The following GRIA4 variants were observed in gnomAD, a reference collection of about 807,000 sequenced individuals.
The protein encoded by GRIA4 is glutamate ionotropic receptor AMPA type subunit 4, also known as glutamate receptor 4.
GRIA4 carries 34 observed loss-of-function variants against 104.0 expected under a neutral mutation model. That is an observed-to-expected ratio of 0.33 (90% confidence interval 0.25 to 0.44). GRIA4 has a LOEUF of 0.44. Ranked by LOEUF, GRIA4 falls within the 20% of genes least tolerant of loss-of-function variation. GRIA4 has a pLI of 1.00. For synonymous variants in GRIA4, 386 were observed against 381.9 expected, an observed-to-expected ratio of 1.01 and a Z score of -0.13; for missense variants, 750 against 1,096.5, an observed-to-expected ratio of 0.68 and a Z score of 4.46.
chr11:105,752,612 GA>G (rs887718956), intron 3 of GRIA4, among the ~76,000 whole-genome samples: 1 of 151,970 alleles, frequency 6.6e-6, no homozygotes, highest in East Asian at 1.9e-4. Flanking sequence ...TTTGCATGTA[GA>G]AAAAAATACA....
intron 3 of GRIA4, among the ~76,000 whole-genome samples, chr11:105,695,427 A>G (rs539977411): frequency 6.6e-6 from 1 of 151,470 alleles, no homozygotes; most frequent in South Asian, 2.1e-4. Context: ...TCCTGGAGAG[A>G]GAGAGAGTGT....
At chr11:105,887,811 G>C (rs1019360259) in intron 6 of GRIA4, among the ~76,000 whole-genome samples, 2 of 152,070 alleles carry the variant, frequency 1.3e-5, no homozygotes, top group Non-Finnish European at 2.9e-5. Context: ...TGGTTACTTT[G>C]CTACGATACC....
chr11:105,806,821 C>A (rs1942972689), intron 4 of GRIA4, among the ~76,000 whole-genome samples: 1 of 148,872 alleles, frequency 6.7e-6, no homozygotes, highest in Non-Finnish European at 1.5e-5. Flanking sequence ...AACAGGAGAC[C>A]ATAAAAGGGA....
intron 7 of GRIA4, among the ~76,000 whole-genome samples, chr11:105,900,116 A>T (rs890729084): frequency 3.9e-5 from 6 of 152,114 alleles, no homozygotes; most frequent in African/African-American, 1.4e-4. Flanking sequence ...CAAATTTTTC[A>T]CCACTCTATA....
intron 4 of GRIA4, among the ~76,000 whole-genome samples, chr11:105,805,019 G>A (rs576907153): frequency 6.6e-6 from 1 of 151,954 alleles, no homozygotes; most frequent in South Asian, 2.1e-4. Context: ...ACTAATCTCA[G>A]GGACTATGCC....
At chr11:105,856,844 C>T (rs1483793362) in intron 4 of GRIA4, among the ~76,000 whole-genome samples, 2 of 152,126 alleles carry the variant, frequency 1.3e-5, no homozygotes, top group African/African-American at 2.4e-5. Context: ...AGAATAACCA[C>T]CTTTAACAAT....
chr11:105,865,910 G>C (rs970729918), intron 5 of GRIA4, among the ~76,000 whole-genome samples: 4 of 152,142 alleles, frequency 2.6e-5, no homozygotes, highest in Non-Finnish European at 5.9e-5. Flanking sequence ...AAAAACCCAA[G>C]GGTCCAGCAG....
intron 5 of GRIA4, among the ~76,000 whole-genome samples, chr11:105,868,243 A>C (rs1441689157): frequency 1.3e-5 from 2 of 152,164 alleles, no homozygotes; most frequent in Non-Finnish European, 2.9e-5. Flanking sequence ...CCAAGACAGA[A>C]CGAACTGTAA....
At chr11:105,942,657 A>G (rs1330012565) in intron 14 of GRIA4, among the ~76,000 whole-genome samples, 1 of 152,088 alleles carries the variant, frequency 6.6e-6, no homozygotes, top group Non-Finnish European at 1.5e-5. Context: ...TAGTATAAAC[A>G]TAGATTCACT....
intron 3 of GRIA4, among the ~76,000 whole-genome samples, chr11:105,657,809 A>C (rs971407973): frequency 2.6e-5 from 4 of 151,986 alleles, no homozygotes; most frequent in African/African-American, 7.2e-5. Flanking sequence ...AGAGGAACTC[A>C]TGTAATATAA....
chr11:105,972,687 A>AC (rs1313745777), intron 15 of GRIA4, among the ~76,000 whole-genome samples: 1 of 152,124 alleles, frequency 6.6e-6, no homozygotes, highest in African/African-American at 2.4e-5. Flanking sequence ...AAATGCAGGA[A>AC]CCTATATTCC....
At chr11:105,815,947 G>T (rs1447280069) in intron 4 of GRIA4, among the ~76,000 whole-genome samples, 1 of 152,102 alleles carries the variant, frequency 6.6e-6, no homozygotes, top group Non-Finnish European at 1.5e-5. Flanking sequence ...ATTTAATTAA[G>T]CACAACTCTT....
chr11:105,946,418 A>T (rs1328335764), intron 14 of GRIA4, among the ~76,000 whole-genome samples: 1 of 151,990 alleles, frequency 6.6e-6, no homozygotes, highest in Non-Finnish European at 1.5e-5. Flanking sequence ...CCCCGTCTCT[A>T]CAAAAAAATA....
intron 4 of GRIA4, among the ~76,000 whole-genome samples, chr11:105,804,314 T>C (rs1466762804): frequency 6.6e-6 from 1 of 151,022 alleles, no homozygotes; most frequent in East Asian, 1.9e-4. Flanking sequence ...GAACATCAAA[T>C]GTTCTTGCTT....
At chr11:105,918,197 A>G (rs930290029) in intron 10 of GRIA4, among the ~76,000 whole-genome samples, 2 of 152,130 alleles carry the variant, frequency 1.3e-5, no homozygotes, top group African/African-American at 4.8e-5. Context: ...CTGCTCTGAG[A>G]CAAGCATCTT....
rs1555095737 is a variant in GRIA4 at position 105,668,239 on chromosome 11, A to ATATATATACTATAT, written c.247+55813_247+55826dup. ...ACACATATAATATATATATATATAT[A>ATATATATACTATAT]TATATATACTATATTATATATTCGA... On this transcript the variant is annotated intron_variant, in intron 3 of 16. Coordinates refer to ENST00000282499, the MANE Select transcript of GRIA4 (RefSeq NM_000829.4). Among the ~76,000 whole-genome samples the ATATATATACTATAT allele has an allele frequency of 2.9e-3, 402 of 136,590 alleles. 3 individuals are homozygous for ATATATATACTATAT. Among genetic ancestry groups the ATATATATACTATAT allele is most frequent in the Non-Finnish European group, 2.2e-3 (143 of 64,432 alleles). 89.6% of individuals were successfully genotyped at this position (136,590 alleles called of 152,430 possible). A position where few individuals can be genotyped will look rare whatever the true frequency, so the allele number is the denominator to read the frequency against.
At chr11:105,745,083 A>C in intron 3 of GRIA4, among the ~76,000 whole-genome samples, 1 of 152,128 alleles carries the variant, frequency 6.6e-6, no homozygotes, top group East Asian at 1.9e-4. Flanking sequence ...CTCTGAAGAG[A>C]GACTTTTGAA....
At position 105,617,591 on chromosome 11, in the gene GRIA4, G is replaced by A. The variant is rs550634690; in HGVS notation, c.247+5157G>A. Among the ~76,000 whole-genome samples the A allele has an allele frequency of 5.9e-5, 9 of 152,044 alleles. No homozygotes were observed. The South Asian group carries it at 1.9e-3, about 32-fold the overall frequency. On this transcript the variant is annotated intron_variant, in intron 3 of 16. Transcript: ENST00000282499. ...AATTGCAAAATTTTGAAGAAAACAGGGCAAGACAGTTCTGGGCAACTTATT... is the reference window on the plus strand; with the variant it reads ...AATTGCAAAATTTTGAAGAAAACAGAGCAAGACAGTTCTGGGCAACTTATT...
chr11:105,653,373 G>A (rs564234429), intron 3 of GRIA4, among the ~76,000 whole-genome samples: 2 of 152,178 alleles, frequency 1.3e-5, no homozygotes, highest in East Asian at 3.9e-4. Context: ...TGTGACAGTC[G>A]ATCTGATAAC....
Sources: gnomAD v4.1 joint callset for allele counts (sites outside exome capture counted in the v4.1 genomes callset) on GRCh38, gnomAD v4.1.1 for gene constraint, MANE v1.5 for transcripts, NCBI Gene and HGNC (gene_info 2026-07-23, HGNC 2026-07-21) for gene names.